Variants in RANBP2 observed in about 807,000 individuals in gnomAD.
The protein encoded by RANBP2 is RAN binding protein 2.
In RANBP2, 57 loss-of-function variants were observed where a neutral mutation model predicts 303.6. The ratio of observed to expected loss-of-function variants is 0.19; its 90% CI spans 0.15 to 0.23. The LOEUF (loss-of-function observed/expected upper bound fraction) is 0.23, where lower values mean the gene tolerates loss of function less well. Among genes scored for constraint, RANBP2 ranks in the 10% least tolerant of loss-of-function variants. RANBP2 has a pLI of 1.00. For missense variants in RANBP2, 3,138 were observed against 3,780.8 expected (o/e 0.83, Z 4.46); for synonymous variants, 1,167 against 1,301.5 (o/e 0.90, Z 2.23).
At chr2:109,131,071 C>T in the RANBP2 span, among the ~76,000 whole-genome samples, 1 of 152,216 alleles carries the variant, frequency 6.6e-6, no homozygotes, top group African/African-American at 2.4e-5. Flanking sequence ...CTTTATTCCT[C>T]TACTTTTGAC....
the RANBP2 span, among the ~76,000 whole-genome samples, chr2:109,202,165 C>T: frequency 6.6e-6 from 1 of 152,150 alleles, no homozygotes; most frequent in African/African-American, 2.4e-5. Flanking sequence ...TGTAGATGAA[C>T]ACGGGGAAGA....
chr2:109,397,231 C>T, the RANBP2 span, among the ~76,000 whole-genome samples: 1 of 152,190 alleles, frequency 6.6e-6, no homozygotes, highest in East Asian at 1.9e-4. Context: ...CCGCTTCCTC[C>T]TGCCCTGAGC....
the RANBP2 span, chr2:108,896,809 AG>A: frequency 1.6e-6 from 2 of 1,232,520 alleles, no homozygotes; most frequent in Non-Finnish European, 2.3e-6. Context: ...ATATCACAAA[AG>A]CCTTGATTCT....
the RANBP2 span, among the ~76,000 whole-genome samples, chr2:109,639,658 A>G: frequency 3.2e-4 from 48 of 151,944 alleles, no homozygotes; most frequent in Non-Finnish European, 6.5e-4. Context: ...ATGGGCTGTA[A>G]TCTCAAGGCT....
chr2:108,796,746 A>T, the RANBP2 span, among the ~76,000 whole-genome samples: 1 of 152,114 alleles, frequency 6.6e-6, no homozygotes, highest in Non-Finnish European at 1.5e-5. Flanking sequence ...GCATGTTCTC[A>T]CTCGTGTGGG....
At chr2:109,206,512 A>AAG in the RANBP2 span, among the ~76,000 whole-genome samples, 1 of 148,304 alleles carries the variant, frequency 6.7e-6, no homozygotes, top group East Asian at 2.0e-4. Flanking sequence ...AAAAAAAAAA[A>AAG]AAAGAATTAG....
At chr2:109,566,054 A>G in the RANBP2 span, among the ~76,000 whole-genome samples, 1 of 152,130 alleles carries the variant, frequency 6.6e-6, no homozygotes, top group African/African-American at 2.4e-5. Flanking sequence ...TGGGCCCCAT[A>G]AAGAAAAGTA....
At chr2:109,279,112 G>A in the RANBP2 span, among the ~76,000 whole-genome samples, 2 of 152,156 alleles carry the variant, frequency 1.3e-5, no homozygotes, top group Admixed American at 6.5e-5. Context: ...GCAAATCCAC[G>A]TATCACCTGG....
the RANBP2 span, among the ~76,000 whole-genome samples, chr2:108,903,214 A>G: frequency 6.6e-6 from 1 of 152,236 alleles, no homozygotes; most frequent in Non-Finnish European, 1.5e-5. Context: ...CGGAAGCTAC[A>G]CAATGCAGAT....
the RANBP2 span, among the ~76,000 whole-genome samples, chr2:109,722,337 C>G: frequency 4.6e-5 from 7 of 152,206 alleles, no homozygotes; most frequent in Non-Finnish European, 1.0e-4. Flanking sequence ...CAGAGCCTGG[C>G]ACTGCTCCGG....
chr2:109,416,029 C>G, the RANBP2 span, among the ~76,000 whole-genome samples: 1 of 152,318 alleles, frequency 6.6e-6, no homozygotes, highest in African/African-American at 2.4e-5. Flanking sequence ...TGATGCTCTG[C>G]AGAGTCCCCA....
the RANBP2 span, among the ~76,000 whole-genome samples, chr2:109,120,732 C>T: frequency 1.3e-5 from 2 of 148,702 alleles, no homozygotes; most frequent in Non-Finnish European, 3.0e-5. Context: ...TGGAAACTGA[C>T]TCACCACCGC....
chr2:109,492,345 C>G, the RANBP2 span, among the ~76,000 whole-genome samples: 550 of 152,266 alleles, frequency 3.6e-3, 4 homozygotes, highest in African/African-American at 0.013. Flanking sequence ...TGGGGCTAGG[C>G]CTGGGGCTCC....
chr2:109,602,715 C>T, the RANBP2 span, among the ~76,000 whole-genome samples: 2 of 149,710 alleles, frequency 1.3e-5, no homozygotes, highest in South Asian at 2.1e-4. Context: ...CTAGATGGCT[C>T]GAATTCCTTC....
the RANBP2 span, among the ~76,000 whole-genome samples, chr2:108,999,803 GC>G: frequency 1.3e-5 from 2 of 152,172 alleles, no homozygotes; most frequent in African/African-American, 2.4e-5. Flanking sequence ...GCGGGAGGAG[GC>G]ATGGGGAGAA....
chr2:108,753,959 A>C lies in RANBP2; in HGVS notation c.2190A>C (p.Ser730=). ...KIIDDSDSNL[S]VVKKLPVPLE... is the part of the protein sequence containing the mutation. ...TAGATGACAGTGATTCAAATCTTTCAGTGGTCAAGAAAGTAAGTAGCAGGT... is the reference window on the plus strand; with the variant it reads ...TAGATGACAGTGATTCAAATCTTTCCGTGGTCAAGAAAGTAAGTAGCAGGT... The change falls in exon 15 of 29, where the codon TCA becomes TCC. Residue 730 remains serine, a synonymous_variant. Transcript: ENST00000283195. The C allele has an allele frequency of 6.2e-7, 1 of 1,611,954 alleles. No homozygotes were observed. Among genetic ancestry groups the C allele is most frequent in the Non-Finnish European group, 8.5e-7 (1 of 1,179,826 alleles).
the RANBP2 span, among the ~76,000 whole-genome samples, chr2:109,429,452 CTTAAAA>C: frequency 1.3e-5 from 2 of 152,190 alleles, no homozygotes; most frequent in Non-Finnish European, 2.9e-5. Context: ...ACAGAACGAA[CTTAAAA>C]TTTAAGATGA....
chr2:108,955,396 A>T, the RANBP2 span, among the ~76,000 whole-genome samples: 1 of 152,232 alleles, frequency 6.6e-6, no homozygotes, highest in African/African-American at 2.4e-5. Flanking sequence ...TAACCCATTA[A>T]TTTTGGGTTT....
chr2:109,663,529 A>G, the RANBP2 span, among the ~76,000 whole-genome samples: 1 of 152,206 alleles, frequency 6.6e-6, no homozygotes, highest in African/African-American at 2.4e-5. Flanking sequence ...TCTTGCATAG[A>G]GCAAGTGTCT....
Sources: gnomAD v4.1 joint callset for allele counts (sites outside exome capture counted in the v4.1 genomes callset) on GRCh38, gnomAD v4.1.1 for gene constraint, MANE v1.5 for transcripts, NCBI Gene and HGNC (gene_info 2026-07-23, HGNC 2026-07-21) for gene names.